GSK3B: variants seen among roughly 807,000 people sequenced by gnomAD.
The protein encoded by GSK3B is glycogen synthase kinase-3 beta.
GSK3B carries 15 observed loss-of-function variants against 56.4 expected under a neutral mutation model. The ratio of observed to expected loss-of-function variants is 0.27; its 90% CI spans 0.18 to 0.41. GSK3B has a LOEUF of 0.41. Ranked by LOEUF, GSK3B falls within the 10% of genes least tolerant of loss-of-function variation. GSK3B has a pLI of 1.00. For missense variants in GSK3B, 300 were observed against 513.4 expected (o/e 0.58, Z 4.02); for synonymous variants, 181 against 188.9 (o/e 0.96, Z 0.34).
chr3:119,842,604 C>T lies in GSK3B; in HGVS notation c.1195+651G>A, dbSNP rs143527224. 1.8e-3 allele frequency among the ~76,000 whole-genome samples: 280 copies of T among 152,138 alleles called. 3 individuals are homozygous for T. Among genetic ancestry groups the T allele is most frequent in the South Asian group, 0.013 (63 of 4,816 alleles). The stretch of plus-strand genomic sequence containing the variant: ...TTTCCTATTGAAATTATGTAAAAAC[C>T]GTAACTTCAAAGATTTTTTAAGTTT... On this transcript the variant is annotated intron_variant, in intron 10 of 10. Transcript: ENST00000264235.
At chr3:119,872,898 T>C (rs1047886088) in intron 8 of GSK3B, among the ~76,000 whole-genome samples, 2 of 152,136 alleles carry the variant, frequency 1.3e-5, no homozygotes, top group African/African-American at 4.8e-5. Context: ...CACCTGCACA[T>C]ACTAAATGCA....
chr3:120,069,285 G>A (rs2058307471), intron 1 of GSK3B, among the ~76,000 whole-genome samples: 1 of 152,066 alleles, frequency 6.6e-6, no homozygotes, highest in Non-Finnish European at 1.5e-5. Flanking sequence ...GAAATAAAAA[G>A]GAAGGAAGAG....
chr3:120,048,225 A>G (rs115527470), intron 1 of GSK3B, among the ~76,000 whole-genome samples: 1,980 of 152,360 alleles, frequency 0.013, 23 homozygotes, highest in Admixed American at 0.021. Flanking sequence ...GAGTCCTACA[A>G]CTACTCATAA....
intron 2 of GSK3B, among the ~76,000 whole-genome samples, chr3:119,981,898 G>GT (rs1202437800): frequency 6.6e-6 from 1 of 152,206 alleles, no homozygotes; most frequent in Non-Finnish European, 1.5e-5. Flanking sequence ...CCACAAGTGG[G>GT]TCCCTGACCC....
intron 10 of GSK3B, 92 bp downstream of exon 10, chr3:119,843,163 C>A (rs560068213): frequency 2.1e-5 from 14 of 666,062 alleles, no homozygotes; most frequent in African/African-American, 2.0e-4. Flanking sequence ...GATCCACCCA[C>A]CTCGGCCTCC....
chr3:119,857,273 G>T (rs80329840), intron 9 of GSK3B, among the ~76,000 whole-genome samples: 3,937 of 152,250 alleles, frequency 0.026, 175 homozygotes, highest in African/African-American at 0.089. Flanking sequence ...TTTCACAAAA[G>T]ATTTCTCTGT....
intron 4 of GSK3B, 145 bp downstream of exon 4, chr3:119,923,228 G>A: frequency 2.1e-6 from 1 of 483,670 alleles, no homozygotes; most frequent in Non-Finnish European, 3.7e-6. Flanking sequence ...ACTGTAAAAG[G>A]ATTTAACAAA....
chr3:119,840,614 C>T lies in GSK3B; in HGVS notation c.1195+2641G>A, dbSNP rs561734165. Among the ~76,000 whole-genome samples the T allele has an allele frequency of 2.0e-5, 3 of 152,290 alleles. No individual in the cohort carries two copies. The South Asian group carries it at 6.2e-4, about 32-fold the overall frequency. On this transcript the variant is annotated intron_variant, in intron 10 of 10. Transcript: ENST00000264235. Reference sequence around the variant, plus strand: ...ACATACATGAATCTTAAACTACAGGCAGCCGGAAGGCCAAGCAATCAATCA... The same window carrying T: ...ACATACATGAATCTTAAACTACAGGTAGCCGGAAGGCCAAGCAATCAATCA...
intron 1 of GSK3B, among the ~76,000 whole-genome samples, chr3:120,012,027 C>A (rs1307422096): frequency 6.6e-6 from 1 of 152,164 alleles, no homozygotes; most frequent in Non-Finnish European, 1.5e-5. Flanking sequence ...GTAAAAGGAT[C>A]AGCTCCAGAG....
intron 1 of GSK3B, among the ~76,000 whole-genome samples, chr3:120,045,516 T>A (rs1007703497): frequency 3.9e-5 from 6 of 151,978 alleles, no homozygotes; most frequent in African/African-American, 1.2e-4. Flanking sequence ...AAAAAAAAAA[T>A]TCACAAGTAG....
intron 1 of GSK3B, among the ~76,000 whole-genome samples, chr3:120,081,202 T>G (rs1336071001): frequency 1.3e-5 from 2 of 151,712 alleles, no homozygotes; most frequent in African/African-American, 4.8e-5. Flanking sequence ...AACAGAAGTG[T>G]CTGTATACTC....
At chr3:119,923,853 G>C (rs555683523) in intron 3 of GSK3B, among the ~76,000 whole-genome samples, 4 of 152,154 alleles carry the variant, frequency 2.6e-5, no homozygotes, top group Non-Finnish European at 5.9e-5. Context: ...TGGTGGCAGG[G>C]AGAGTACTGA....
chr3:119,851,951 G>T (rs2055936228), intron 9 of GSK3B, among the ~76,000 whole-genome samples: 1 of 152,106 alleles, frequency 6.6e-6, no homozygotes, highest in Non-Finnish European at 1.5e-5. Flanking sequence ...AATTCTAATG[G>T]TGCTTACTTA....
chr3:120,087,064 T>C (rs1212460807), intron 1 of GSK3B, among the ~76,000 whole-genome samples: 3 of 152,192 alleles, frequency 2.0e-5, no homozygotes, highest in Non-Finnish European at 4.4e-5. Flanking sequence ...AATAAAAGCC[T>C]GAAAACTAAC....
intron 3 of GSK3B, among the ~76,000 whole-genome samples, chr3:119,935,343 AAG>A (rs1305791320): frequency 6.6e-6 from 1 of 152,176 alleles, no homozygotes. Flanking sequence ...GAGAGAGGAA[AAG>A]AGGGGAGAAT....
chr3:120,075,269 CTACA>C (rs1025512422), intron 1 of GSK3B, among the ~76,000 whole-genome samples: 1 of 152,136 alleles, frequency 6.6e-6, no homozygotes, highest in African/African-American at 2.4e-5. Flanking sequence ...CCACAGCTAA[CTACA>C]TAATCAATGG....
intron 2 of GSK3B, among the ~76,000 whole-genome samples, chr3:119,977,496 C>T (rs1036080063): frequency 6.6e-6 from 1 of 152,204 alleles, no homozygotes; most frequent in Non-Finnish European, 1.5e-5. Context: ...CTGTTACTTT[C>T]TTAGAGCTGT....
At chr3:119,987,508 C>T (rs534404955) in intron 2 of GSK3B, among the ~76,000 whole-genome samples, 107 of 152,034 alleles carry the variant, frequency 7.0e-4, no homozygotes, top group South Asian at 1.7e-3. Context: ...AGTTTTGAAA[C>T]GTTAATTATA....
rs2055487715 is a variant in GSK3B, at chr3:119,825,405, CA to C, written c.*1382del. 1 of 230,112 alleles carries C rather than the reference CA, an allele frequency of 4.3e-6. No individual in the cohort carries two copies. The highest frequency in any genetic ancestry group is 1.8e-4 in the South Asian group (1 of 5,500). The allele number at this position is 230,112 out of a possible 1,614,324, so 14.3% of individuals were successfully genotyped here. ...CACTGATACACAAAGAAAACAGACACAAAAACTCTTAACTGGGTGTGGGGGA... is the reference window on the plus strand; with the variant it reads ...CACTGATACACAAAGAAAACAGACACAAAACTCTTAACTGGGTGTGGGGGA... On this transcript the variant is annotated 3_prime_UTR_variant, in exon 11 of 11. Transcript: ENST00000264235.
Sources: allele counts gnomAD v4.1 joint callset (sites outside exome capture counted in the v4.1 genomes callset), GRCh38; gene constraint gnomAD v4.1.1; transcripts MANE v1.5; gene names NCBI Gene and HGNC (gene_info 2026-07-23, HGNC 2026-07-21).